Variants in NPAS3 observed in about 807,000 individuals in gnomAD.
NPAS3 encodes the protein neuronal PAS domain protein 3.
NPAS3 carries 14 observed loss-of-function variants against 73.1 expected under a neutral mutation model. The ratio of observed to expected loss-of-function variants is 0.19; its 90% confidence interval spans 0.13 to 0.30. The LOEUF is 0.30. Among genes scored for constraint, NPAS3 ranks in the 10% least tolerant of loss-of-function variants. The pLI is 1.00. For synonymous variants in NPAS3, 620 were observed against 541.5 expected (o/e 1.14, Z -2.01); for missense variants, 1,096 against 1,250.0 (o/e 0.88, Z 1.86).
intron 1 of NPAS3, among the ~76,000 whole-genome samples, chr14:33,007,059 C>T (rs959927856): frequency 1.8e-4 from 28 of 152,118 alleles, no homozygotes; most frequent in African/African-American, 6.3e-4. Context: ...CCAACTTTAA[C>T]GTAGATGTCA....
chr14:33,554,343 A>G (rs1051558390), intron 4 of NPAS3, among the ~76,000 whole-genome samples: 1 of 152,232 alleles, frequency 6.6e-6, no homozygotes, highest in African/African-American at 2.4e-5. Flanking sequence ...AAAGTTGAGT[A>G]TGTCAGAGAT....
At chr14:33,024,841 A>G (rs1160978747) in intron 1 of NPAS3, among the ~76,000 whole-genome samples, 1 of 152,246 alleles carries the variant, frequency 6.6e-6, no homozygotes, top group Non-Finnish European at 1.5e-5. Flanking sequence ...TTACTTTTGT[A>G]ATCAGAAAAC....
intron 4 of NPAS3, among the ~76,000 whole-genome samples, chr14:33,400,413 A>G (rs1286464799): frequency 1.3e-5 from 2 of 152,182 alleles, no homozygotes; most frequent in South Asian, 4.1e-4. Flanking sequence ...TGTTAGGGCC[A>G]TAGAGAGAAA....
intron 2 of NPAS3, among the ~76,000 whole-genome samples, chr14:33,201,132 A>G (rs779357854): frequency 6.6e-6 from 1 of 152,224 alleles, no homozygotes; most frequent in Non-Finnish European, 1.5e-5. Context: ...GAAAGACAGA[A>G]GGCATTTGAA....
chr14:33,381,037 T>G (rs2046528031), intron 4 of NPAS3, among the ~76,000 whole-genome samples: 1 of 152,126 alleles, frequency 6.6e-6, no homozygotes, highest in Non-Finnish European at 1.5e-5. Context: ...CTGCAAGTTC[T>G]ACATAAATAC....
intron 4 of NPAS3, among the ~76,000 whole-genome samples, chr14:33,533,995 A>G (rs1298328920): frequency 6.6e-6 from 1 of 152,106 alleles, no homozygotes; most frequent in Non-Finnish European, 1.5e-5. Flanking sequence ...AATACTCTTT[A>G]CCTTAAAAAT....
chr14:33,593,484 C>T (rs1340430546), intron 5 of NPAS3, among the ~76,000 whole-genome samples: 1 of 152,154 alleles, frequency 6.6e-6, no homozygotes, highest in African/African-American at 2.4e-5. Flanking sequence ...GACCCAAAGA[C>T]CTTTAGTTGG....
At chr14:33,250,700 A>T (rs1283142037) in intron 3 of NPAS3, among the ~76,000 whole-genome samples, 1 of 151,974 alleles carries the variant, frequency 6.6e-6, no homozygotes, top group Non-Finnish European at 1.5e-5. Context: ...GTTATGAATG[A>T]TCCTCTTTTT....
At chr14:33,680,839 A>G in intron 6 of NPAS3, 1 of 555,006 alleles carries the variant, frequency 1.8e-6, no homozygotes, top group Non-Finnish European at 3.2e-6. Flanking sequence ...TGGCTAACCC[A>G]TTGGTTGTGT....
At chr14:33,159,264 C>T (rs549818307) in intron 2 of NPAS3, among the ~76,000 whole-genome samples, 4 of 152,220 alleles carry the variant, frequency 2.6e-5, no homozygotes, top group Non-Finnish European at 4.4e-5. Flanking sequence ...AACTGTCATA[C>T]ACTATCAATT....
chr14:33,355,959 G>T (rs1462269462), intron 3 of NPAS3, among the ~76,000 whole-genome samples: 1 of 152,210 alleles, frequency 6.6e-6, no homozygotes, highest in Non-Finnish European at 1.5e-5. Context: ...CTCCATGCAG[G>T]CCCATTTGTC....
At chr14:33,068,949 G>A (rs149754980) in intron 2 of NPAS3, among the ~76,000 whole-genome samples, 185 of 152,214 alleles carry the variant, frequency 1.2e-3, no homozygotes, top group African/African-American at 4.2e-3. Flanking sequence ...GGATGCTGGC[G>A]GGCCAGGGAG....
chr14:33,398,914 A>C (rs2047334814), intron 4 of NPAS3, among the ~76,000 whole-genome samples: 1 of 152,102 alleles, frequency 6.6e-6, no homozygotes, highest in Non-Finnish European at 1.5e-5. Context: ...ATTTTGCTAC[A>C]ATATGAAAAT....
At chr14:33,532,228 C>T (rs1262475525) in intron 4 of NPAS3, among the ~76,000 whole-genome samples, 2 of 152,144 alleles carry the variant, frequency 1.3e-5, no homozygotes, top group Non-Finnish European at 2.9e-5. Flanking sequence ...CATTACTGAG[C>T]TTCTGATCTT....
At chr14:33,305,393 C>T (rs1021442200) in intron 3 of NPAS3, among the ~76,000 whole-genome samples, 2 of 152,086 alleles carry the variant, frequency 1.3e-5, no homozygotes, top group African/African-American at 4.8e-5. Flanking sequence ...ATAAAACCAA[C>T]TGACTTTTCA....
intron 6 of NPAS3, among the ~76,000 whole-genome samples, chr14:33,704,247 T>A (rs2060599187): frequency 1.3e-5 from 2 of 152,230 alleles, no homozygotes; most frequent in African/African-American, 4.8e-5. Context: ...TGTGTGTACA[T>A]ATAAATTATA....
At chr14:33,143,857 T>G (rs758591842) in intron 2 of NPAS3, among the ~76,000 whole-genome samples, 37 of 152,190 alleles carry the variant, frequency 2.4e-4, no homozygotes, top group African/African-American at 8.7e-4. Context: ...CTGAGCCTAA[T>G]GTTTTTGAGG....
In NPAS3 at chr14:33,641,963, G is replaced by A. The variant is rs2058686855; in HGVS notation, c.559-34248G>A. 4.6e-5 allele frequency among the ~76,000 whole-genome samples: 7 copies of A among 152,194 alleles called. No homozygotes were observed. The South Asian group carries it at 1.2e-3, about 27-fold the overall frequency. Reference sequence around the variant, plus strand: ...TTCTCATTTGTTTTTTAGAGTTTGTGTTCAATAATTCATCGATTCCCAACA... The same window carrying A: ...TTCTCATTTGTTTTTTAGAGTTTGTATTCAATAATTCATCGATTCCCAACA... On this transcript the variant is annotated intron_variant, in intron 5 of 11. Transcript: ENST00000356141.
At chr14:33,578,181 A>G (rs2056519242) in intron 5 of NPAS3, 1 of 455,712 alleles carries the variant, frequency 2.2e-6, no homozygotes, top group South Asian at 1.5e-5. Flanking sequence ...CAGATGAACT[A>G]CCAACACCTT....
Sources: gnomAD v4.1 joint callset for allele counts (sites outside exome capture counted in the v4.1 genomes callset) on GRCh38, gnomAD v4.1.1 for gene constraint, MANE v1.5 for transcripts, NCBI Gene and HGNC (gene_info 2026-07-23, HGNC 2026-07-21) for gene names.